SH3PXD2A: variants seen among roughly 807,000 people sequenced by gnomAD.
The protein encoded by SH3PXD2A is SH3 and PX domain-containing protein 2A.
SH3PXD2A carries 32 observed loss-of-function variants against 115.2 expected under a neutral mutation model. The ratio of observed to expected loss-of-function variants is 0.28; its 90% CI spans 0.21 to 0.37. The LOEUF (loss-of-function observed/expected upper bound fraction) is 0.37, where lower values mean the gene tolerates loss of function less well. Ranked by LOEUF, SH3PXD2A falls within the 10% of genes least tolerant of loss-of-function variation. The probability of loss-of-function intolerance (pLI) is 1.00; values close to 1 mark genes in which losing one functional copy is unlikely to be tolerated. For synonymous variants in SH3PXD2A, 610 were observed against 629.1 expected, an observed-to-expected ratio of 0.97 and a Z score of 0.45; for missense variants, 1,328 against 1,498.7, an observed-to-expected ratio of 0.89 and a Z score of 1.88.
intron 1 of SH3PXD2A, among the ~76,000 whole-genome samples, chr10:103,807,561 T>C (rs1163469191): frequency 6.6e-6 from 1 of 152,222 alleles, no homozygotes; most frequent in Non-Finnish European, 1.5e-5. Flanking sequence ...CACTGCCCAG[T>C]GGTTGCCTGG....
intron 5 of SH3PXD2A, among the ~76,000 whole-genome samples, chr10:103,710,944 G>A (rs1482364478): frequency 6.6e-6 from 1 of 152,228 alleles, no homozygotes; most frequent in Non-Finnish European, 1.5e-5. Flanking sequence ...GCTGAGGCAG[G>A]AGGATTGCTT....
chr10:103,786,008 T>C (rs1233826021), intron 2 of SH3PXD2A, among the ~76,000 whole-genome samples: 1 of 150,010 alleles, frequency 6.7e-6, no homozygotes, highest in African/African-American at 2.5e-5. Context: ...CAGAGAGAAA[T>C]AGAGAAACTG....
intron 8 of SH3PXD2A, among the ~76,000 whole-genome samples, chr10:103,650,228 C>G (rs910874812): frequency 6.6e-6 from 1 of 152,120 alleles, no homozygotes; most frequent in Non-Finnish European, 1.5e-5. Flanking sequence ...TCCCCCTCCT[C>G]CCCTCACCTG....
rs750389881 is a variant in SH3PXD2A at position 103,602,777 on chromosome 10, C to T, written c.2441G>A (p.Gly814Glu). ...GAGGTCGGATGAGCTTCTCCTAGAC[C>T]CCTCACTGGGAGCCTCGGAGGCCGT... is the stretch of plus-strand genomic sequence containing the variant. Reference protein sequence around the residue: ...PQTASEAPSEGSRRSSSDLIT... With the variant: ...PQTASEAPSEESRRSSSDLIT... Residue 814 changes from glycine to glutamate, a missense_variant, in exon 15 of 15, where the codon GGG becomes GAG. By Grantham distance (98) the Gly-to-Glu change is moderately conservative (BLOSUM62 -2). Coordinates refer to ENST00000369774, the MANE Select transcript of SH3PXD2A (RefSeq NM_001394015.1). 7 of 1,613,954 alleles carry T rather than the reference C, an allele frequency of 4.3e-6. No individual in the cohort carries two copies. In the South Asian group the frequency reaches 7.7e-5, roughly 18 times the overall value.
intron 9 of SH3PXD2A, among the ~76,000 whole-genome samples, 178 bp from the exon 10 acceptor site, chr10:103,622,731 T>C (rs1237373875): frequency 6.6e-6 from 1 of 152,154 alleles, no homozygotes; most frequent in Non-Finnish European, 1.5e-5. Flanking sequence ...GGGGCAGATA[T>C]GACAGGTCAT....
intron 1 of SH3PXD2A, among the ~76,000 whole-genome samples, chr10:103,806,259 C>T (rs1432383325): frequency 6.6e-6 from 1 of 152,040 alleles, no homozygotes; most frequent in Non-Finnish European, 1.5e-5. Context: ...AGCAAGAGAC[C>T]TCCCTGGAGA....
At chr10:103,630,193 A>T (rs547182626) in intron 8 of SH3PXD2A, among the ~76,000 whole-genome samples, 69 of 152,234 alleles carry the variant, frequency 4.5e-4, no homozygotes, top group Admixed American at 2.6e-3. Flanking sequence ...TGGAGGCCCC[A>T]AAACAGCCAG....
At chr10:103,833,251 T>C (rs569109054) in intron 1 of SH3PXD2A, among the ~76,000 whole-genome samples, 1 of 152,224 alleles carries the variant, frequency 6.6e-6, no homozygotes, top group Non-Finnish European at 1.5e-5. Flanking sequence ...AATAATACAA[T>C]GTCCATGAAG....
intron 1 of SH3PXD2A, among the ~76,000 whole-genome samples, chr10:103,844,715 C>T (rs1036968076): frequency 6.6e-6 from 1 of 152,184 alleles, no homozygotes; most frequent in Admixed American, 6.5e-5. Context: ...GCTTTCTTAA[C>T]AATGCTACCT....
intron 6 of SH3PXD2A, among the ~76,000 whole-genome samples, chr10:103,678,509 G>A (rs2037569894): frequency 6.6e-6 from 1 of 152,234 alleles, no homozygotes; most frequent in Admixed American, 6.5e-5. Flanking sequence ...TCCAGAGAGG[G>A]GAGAAGCCAG....
chr10:103,634,323 C>T (rs569762762), intron 8 of SH3PXD2A, among the ~76,000 whole-genome samples: 2 of 152,284 alleles, frequency 1.3e-5, no homozygotes, highest in South Asian at 2.1e-4. Context: ...CACATAGCAC[C>T]GAGGCCGTGT....
chr10:103,835,112 C>G (rs1373333892), intron 1 of SH3PXD2A, among the ~76,000 whole-genome samples: 1 of 152,228 alleles, frequency 6.6e-6, no homozygotes, highest in East Asian at 1.9e-4. Context: ...CAGAAGCTGT[C>G]TGCTTTCAAG....
chr10:103,617,199 G>C lies in SH3PXD2A; in HGVS notation c.918C>G (p.Ile306Met). ...TTCATAATGTAAGGGTTCCCTACCT[G>C]ATATACCACCAGCCTTCCAGATTCT... ...IRKNLEGWWY[I>M]RYLGKEGWAP... The change falls in exon 11 of 15, where the codon ATC becomes ATG. Residue 306 changes from isoleucine (I) to methionine (M), a missense_variant and splice_region_variant. Physicochemically the swap from Ile to Met is conservative, Grantham distance 10. This residue lies in a region of SH3PXD2A where 509 missense variants were observed against 628.3 expected (regional missense o/e 0.81). Coordinates refer to ENST00000369774, the MANE Select transcript of SH3PXD2A (RefSeq NM_001394015.1). 3.7e-6 allele frequency: 6 copies of C among 1,608,910 alleles called. No homozygotes were observed. Among genetic ancestry groups the C allele is most frequent in the Non-Finnish European group, 5.1e-6 (6 of 1,175,212 alleles).
intron 2 of SH3PXD2A, among the ~76,000 whole-genome samples, chr10:103,797,511 C>A (rs985895490): frequency 1.3e-5 from 2 of 151,930 alleles, no homozygotes; most frequent in African/African-American, 4.8e-5. Context: ...ATGAGTCACC[C>A]CAAAGGGACA....
chr10:103,823,566 C>A (rs533752984), intron 1 of SH3PXD2A, among the ~76,000 whole-genome samples: 1 of 152,344 alleles, frequency 6.6e-6, no homozygotes, highest in South Asian at 2.1e-4. Flanking sequence ...AACCCATATA[C>A]AAATCCTTGG....
At chr10:103,722,966 A>T (rs1277465112) in intron 5 of SH3PXD2A, among the ~76,000 whole-genome samples, 1 of 152,156 alleles carries the variant, frequency 6.6e-6, no homozygotes, top group East Asian at 1.9e-4. Context: ...ATTTCAGGCT[A>T]TTAGTCTTTT....
At position 103,784,167 on chromosome 10, in the gene SH3PXD2A, C is replaced by T. The variant is rs144184783; in HGVS notation, c.154-16998G>A. ...GGAGGAAGTGCAGGGAGAGAAGATG[C>T]TGGCTGCTCGGGGGTTGCTGGGGCA... is the stretch of plus-strand genomic sequence containing the variant. On this transcript the variant is annotated intron_variant, in intron 2 of 14. Transcript: ENST00000369774. The surrounding 1 kb of genome is among the most constrained non-coding windows in gnomAD (Gnocchi z 4.4). Among the ~76,000 whole-genome samples the T allele has an allele frequency of 2.6e-4, 39 of 152,324 alleles. No homozygotes were observed. The highest frequency in any genetic ancestry group is 8.9e-4 in the African/African-American group (37 of 41,586).
At chr10:103,688,821 GTTA>G (rs758386318) in intron 6 of SH3PXD2A, among the ~76,000 whole-genome samples, 16 of 152,064 alleles carry the variant, frequency 1.1e-4, no homozygotes, top group Non-Finnish European at 1.6e-4. Context: ...AGGAAAGTAT[GTTA>G]TTTTCTTTCT....
At chr10:103,828,767 C>G (rs2039457776) in intron 1 of SH3PXD2A, among the ~76,000 whole-genome samples, 1 of 152,188 alleles carries the variant, frequency 6.6e-6, no homozygotes, top group South Asian at 2.1e-4. Flanking sequence ...CTTTGGAGAA[C>G]AAAGACTGTT....
Sources: gnomAD v4.1 joint callset for allele counts (sites outside exome capture counted in the v4.1 genomes callset) on GRCh38, gnomAD v4.1.1 for gene constraint, gnomAD v4.1.1 regional missense constraint, Gnocchi (gnomAD v3.1) non-coding constraint, MANE v1.5 for transcripts, NCBI Gene and HGNC (gene_info 2026-07-23, HGNC 2026-07-21) for gene names.